ZNF736: variants seen among roughly 807,000 people sequenced by gnomAD.
The protein encoded by ZNF736 is KRAB-containing zinc-finger repressor protein.
In ZNF736, 6 loss-of-function variants were observed where a neutral mutation model predicts 11.7. That is an observed-to-expected ratio of 0.51 (90% CI 0.28 to 1.01). The LOEUF is 1.01. Among genes scored for constraint, ZNF736 ranks in the 50% least tolerant of loss-of-function variants. The pLI, the probability that ZNF736 is intolerant of heterozygous loss-of-function variation, is 0.09. For synonymous variants in ZNF736, 139 were observed against 164.7 expected (o/e 0.84, Z 1.19); for missense variants, 444 against 496.0 (o/e 0.90, Z 1.00).
At chr7:64,327,018 T>C (rs1789092025) in intron 1 of ZNF736, among the ~76,000 whole-genome samples, 1 of 152,232 alleles carries the variant, frequency 6.6e-6, no homozygotes, top group Admixed American at 6.5e-5. Flanking sequence ...ATTTGTATTC[T>C]GTAGCTTTTT....
Position 64,348,924 on chromosome 7 carries a change from C to A in ZNF736, c.1061C>A (p.Ser354Ter). 1 of 1,603,896 alleles carries A rather than the reference C, an allele frequency of 6.2e-7. No homozygotes were observed. Among genetic ancestry groups the A allele is most frequent in the Non-Finnish European group, 8.5e-7 (1 of 1,174,788 alleles). Residue 354 changes from serine to a stop codon, truncating the protein, a stop_gained, in exon 4 of 4, where the codon TCA becomes TAA. Transcript: ENST00000423484. LOFTEE classifies it low-confidence loss of function (END_TRUNC). ...TGTGGCAAAGCCTTTACCCGCTCCTCAACCCTTTTTAACCACAAGAGAATT... is the reference window on the plus strand; with the variant it reads ...TGTGGCAAAGCCTTTACCCGCTCCTAAACCCTTTTTAACCACAAGAGAATT... ...EECGKAFTRS[S>*]TLFNHKRIHM...
chr7:64,322,408 C>T (rs1178885406), intron 1 of ZNF736, among the ~76,000 whole-genome samples: 2 of 152,108 alleles, frequency 1.3e-5, no homozygotes, highest in Non-Finnish European at 2.9e-5. Flanking sequence ...ATATCATCTA[C>T]AAATAGAAAT....
At chr7:64,324,801 T>C (rs1789060833) in intron 1 of ZNF736, among the ~76,000 whole-genome samples, 1 of 152,214 alleles carries the variant, frequency 6.6e-6, no homozygotes, top group African/African-American at 2.4e-5. Flanking sequence ...GTCTTTCCAC[T>C]AACTCTGGAC....
At chr7:64,327,138 GTC>G (rs1355408237) in intron 1 of ZNF736, among the ~76,000 whole-genome samples, 3 of 152,156 alleles carry the variant, frequency 2.0e-5, no homozygotes, top group Non-Finnish European at 4.4e-5. Context: ...ACTGTTTAAA[GTC>G]TCTGTTGCAC....
rs1038112428 is a variant in ZNF736, at chr7:64,347,622, C to T, written c.227-468C>T. Among the ~76,000 whole-genome samples the T allele has an allele frequency of 1.2e-3, 177 of 152,138 alleles. 3 individuals carry two copies. The highest frequency in any genetic ancestry group is 4.0e-4 in the Non-Finnish European group (27 of 68,030). On this transcript the variant is annotated intron_variant, in intron 3 of 3. Coordinates refer to ENST00000423484, the MANE Select transcript of ZNF736 (RefSeq NM_001170905.3). ...TTTCTTCTCTTGTAACAGTCATTTA[C>T]CTTTGGTCTCAGCTGTCCGAAACTG...
At chr7:64,337,561 A>G (rs965920424) in intron 3 of ZNF736, among the ~76,000 whole-genome samples, 1 of 152,112 alleles carries the variant, frequency 6.6e-6, no homozygotes, top group African/African-American at 2.4e-5. Flanking sequence ...AAATGAAACA[A>G]ACTCTAAAAT....
Position 64,348,535 on chromosome 7 carries a change from T to G in ZNF736, c.672T>G (p.Thr224=). 3.8e-6 allele frequency: 6 copies of G among 1,583,214 alleles called. No homozygotes were observed. The highest frequency in any genetic ancestry group is 4.3e-6 in the Non-Finnish European group (5 of 1,164,622). The change falls in exon 4 of 4, where the codon ACT becomes ACG. Residue 224 remains threonine, a synonymous_variant. Transcript: ENST00000423484. Reference sequence around the variant, plus strand: ...TTACTGAACATAAGAGAGTTCATACTGGAGAGAAACCTTACAAATGTGAAG... The same window carrying G: ...TTACTGAACATAAGAGAGTTCATACGGGAGAGAAACCTTACAAATGTGAAG... ...SNLTEHKRVH[T]GEKPYKCEGC...
In ZNF736 at chr7:64,314,276, C is replaced by G. The variant is rs1788880343; in HGVS notation, c.3+123C>G. 4.7e-6 allele frequency: 6 copies of G among 1,267,782 alleles called. No homozygotes were observed. In the Admixed American group the frequency reaches 1.3e-4, roughly 27 times the overall value. 78.5% of individuals were successfully genotyped at this position (1,267,782 alleles called of 1,614,324 possible). A position where few individuals can be genotyped will look rare whatever the true frequency, so the allele number is the denominator to read the frequency against. On this transcript the variant is annotated intron_variant, in intron 1 of 3. Transcript: ENST00000423484. ...TCTGGAGTCTGCATCCCCGAGTCCC[C>G]GCGGGCACAGCTCAATCCTCATTTC...
intron 1 of ZNF736, among the ~76,000 whole-genome samples, chr7:64,332,732 C>T (rs1363974861): frequency 2.6e-5 from 4 of 152,066 alleles, no homozygotes; most frequent in African/African-American, 9.7e-5. Flanking sequence ...TATAGACCTC[C>T]CCCCAGGAGT....
At chr7:64,335,783 C>T (rs1209756750) in intron 1 of ZNF736, among the ~76,000 whole-genome samples, 2 of 152,106 alleles carry the variant, frequency 1.3e-5, no homozygotes, top group East Asian at 3.9e-4. Context: ...TCTCCTTGGG[C>T]CAGAAGCAAC....
At chr7:64,316,972 A>C (rs1482429478) in intron 1 of ZNF736, among the ~76,000 whole-genome samples, 1 of 152,246 alleles carries the variant, frequency 6.6e-6, no homozygotes, top group South Asian at 2.1e-4. Context: ...GCAGAAAAAT[A>C]AATACATTTC....
At chr7:64,336,562 A>T (rs1789254591) in intron 2 of ZNF736, among the ~76,000 whole-genome samples, 177 bp downstream of exon 2, 1 of 152,156 alleles carries the variant, frequency 6.6e-6, no homozygotes, top group African/African-American at 2.4e-5. Flanking sequence ...CTTAACATTA[A>T]TCTTTCCCTT....
chr7:64,328,509 C>G (rs1393495285), intron 1 of ZNF736, among the ~76,000 whole-genome samples: 1 of 151,868 alleles, frequency 6.6e-6, no homozygotes, highest in Non-Finnish European at 1.5e-5. Flanking sequence ...GCCTGTAATC[C>G]CAGCACTTTG....
intron 1 of ZNF736, among the ~76,000 whole-genome samples, chr7:64,327,331 C>G (rs1229536972): frequency 2.0e-5 from 3 of 152,044 alleles, no homozygotes; most frequent in Admixed American, 6.6e-5. Context: ...TTTACCGTAG[C>G]TATTCCTCCT....
At position 64,348,959 on chromosome 7, in the gene ZNF736, G is replaced by T; in HGVS notation, c.1096G>T (p.Glu366Ter). 1 of 1,592,248 alleles carries T rather than the reference G, an allele frequency of 6.3e-7. No homozygotes were observed. The highest frequency in any genetic ancestry group is 8.6e-7 in the Non-Finnish European group (1 of 1,168,614). ...LFNHKRIHME[E>*]RPYKCEECSK... ...TAACCACAAGAGAATTCATATGGAA[G>T]AGAGACCTTACAAATGTGAAGAATG... The change falls in exon 4 of 4, where the codon GAG (glutamate) becomes TAG (stop). Residue 366 changes from glutamate (E) to a stop codon, truncating the protein, a stop_gained. Coordinates refer to ENST00000423484, the MANE Select transcript of ZNF736 (RefSeq NM_001170905.3). LOFTEE classifies it low-confidence loss of function (END_TRUNC).
At chr7:64,315,846 C>T (rs1252107856) in intron 1 of ZNF736, among the ~76,000 whole-genome samples, 2 of 152,116 alleles carry the variant, frequency 1.3e-5, no homozygotes, top group African/African-American at 2.4e-5. Context: ...ACTATCAGTT[C>T]TTTATTTAAT....
chr7:64,333,589 C>G (rs774316311), intron 1 of ZNF736, among the ~76,000 whole-genome samples: 1 of 151,120 alleles, frequency 6.6e-6, no homozygotes, highest in South Asian at 2.1e-4. Context: ...TCAGAAAGTT[C>G]TGAATAAAAA....
chr7:64,343,471 T>C (rs1361863701), intron 3 of ZNF736, among the ~76,000 whole-genome samples: 3 of 152,194 alleles, frequency 2.0e-5, no homozygotes, highest in African/African-American at 7.2e-5. Context: ...GTGCTATCTA[T>C]CTGAGTAGTA....
intron 1 of ZNF736, among the ~76,000 whole-genome samples, chr7:64,319,488 CCTTTTTTTTTT>C (rs1456442761): frequency 1.3e-4 from 10 of 75,266 alleles, no homozygotes; most frequent in African/African-American, 3.8e-4. Context: ...ACATTTCTTC[CCTTTTTTTTTT>C]TTTTTTTTTT....
Sources: gnomAD v4.1 joint callset for allele counts (sites outside exome capture counted in the v4.1 genomes callset) on GRCh38, gnomAD v4.1.1 for gene constraint, MANE v1.5 for transcripts, NCBI Gene and HGNC (gene_info 2026-07-23, HGNC 2026-07-21) for gene names.